SLC30A8: variants seen among roughly 807,000 people sequenced by gnomAD.
The protein encoded by SLC30A8 is solute carrier family 30 member 8, also known as proton-coupled zinc antiporter SLC30A8.
Under a neutral mutation model 36.9 loss-of-function variants are expected in SLC30A8, and 27 were observed. That is an observed-to-expected ratio of 0.73 (90% CI 0.54 to 1.01). The LOEUF (loss-of-function observed/expected upper bound fraction) is 1.01, where lower values mean the gene tolerates loss of function less well. Ranked by LOEUF, SLC30A8 falls within the 50% of genes least tolerant of loss-of-function variation. SLC30A8 has a pLI of 0.00. For synonymous variants in SLC30A8, 164 were observed against 172.4 expected (o/e 0.95, Z 0.38); for missense variants, 439 against 452.0 (o/e 0.97, Z 0.26).
At chr8:117,103,029 C>CA (rs1819796248) in intron 2 of SLC30A8, among the ~76,000 whole-genome samples, 2 of 152,056 alleles carry the variant, frequency 1.3e-5, no homozygotes. Flanking sequence ...AGCATCAACT[C>CA]AAAGTCCAAA....
chr8:116,977,173 G>T (rs1815067631), intron 1 of SLC30A8, among the ~76,000 whole-genome samples: 1 of 62,908 alleles, frequency 1.6e-5, no homozygotes, highest in African/African-American at 6.4e-5. Context: ...TTGAGATTCA[G>T]TCAGTCGCTC....
intron 1 of SLC30A8, among the ~76,000 whole-genome samples, chr8:116,973,297 G>T (rs1814854129): frequency 6.6e-6 from 1 of 152,074 alleles, no homozygotes; most frequent in Non-Finnish European, 1.5e-5. Flanking sequence ...AGTTAATTGT[G>T]GCCACATGAC....
chr8:117,081,710 G>A (rs187015400), intron 2 of SLC30A8, among the ~76,000 whole-genome samples: 1 of 152,244 alleles, frequency 6.6e-6, no homozygotes, highest in Admixed American at 6.5e-5. Flanking sequence ...AGGAGGACTT[G>A]GCATTGTCAG....
intron 1 of SLC30A8, among the ~76,000 whole-genome samples, chr8:117,035,376 A>G (rs1287091895): frequency 1.3e-5 from 2 of 152,226 alleles, no homozygotes; most frequent in Non-Finnish European, 1.5e-5. Flanking sequence ...CAAGTCTGAA[A>G]CCCAGCAGGG....
At chr8:117,153,140 A>C (rs1224103849) in intron 3 of SLC30A8, 50 bp downstream of exon 3, 1 of 1,480,440 alleles carries the variant, frequency 6.8e-7, no homozygotes, top group Non-Finnish European at 9.1e-7. Context: ...TGCAAAGTCA[A>C]ACCAAGGGTA....
chr8:117,017,497 A>G (rs531892672), intron 1 of SLC30A8, among the ~76,000 whole-genome samples: 4 of 152,308 alleles, frequency 2.6e-5, no homozygotes, highest in African/African-American at 9.6e-5. Flanking sequence ...TCTGTCTGGC[A>G]TAGTTTTTGG....
At chr8:117,088,485 C>T (rs570766377) in intron 2 of SLC30A8, among the ~76,000 whole-genome samples, 3 of 152,192 alleles carry the variant, frequency 2.0e-5, no homozygotes, top group East Asian at 3.9e-4. Context: ...GCTGCTACTT[C>T]GTAAGTATTC....
upstream of SLC30A8, chr8:117,130,111 C>G (rs933101403): frequency 3.9e-5 from 6 of 151,982 alleles, 1 homozygote; most frequent in South Asian, 1.2e-3. Context: ...TGTAGACTTA[C>G]TGGAAGCAAA....
At chr8:117,085,325 C>A (rs905171204) in intron 2 of SLC30A8, among the ~76,000 whole-genome samples, 2 of 152,090 alleles carry the variant, frequency 1.3e-5, no homozygotes, top group Non-Finnish European at 2.9e-5. Flanking sequence ...TCTCTTTGAC[C>A]TCCTGACCTT....
At chr8:117,092,298 G>C (rs775525759) in intron 2 of SLC30A8, among the ~76,000 whole-genome samples, 13 of 151,668 alleles carry the variant, frequency 8.6e-5, no homozygotes, top group Admixed American at 3.3e-4. Flanking sequence ...ATGATATAAA[G>C]ATAAATAGCA....
intron 2 of SLC30A8, among the ~76,000 whole-genome samples, chr8:117,070,204 AT>A (rs536308009): frequency 6.6e-6 from 1 of 151,912 alleles, no homozygotes; most frequent in East Asian, 1.9e-4. Flanking sequence ...ATAATGACAG[AT>A]TTTTTTTTCT....
chr8:117,132,888 A>G (rs1280795391), upstream of SLC30A8, among the ~76,000 whole-genome samples: 1 of 152,036 alleles, frequency 6.6e-6, no homozygotes, highest in African/African-American at 2.4e-5. Context: ...AAAACTTTTT[A>G]AGCATAATTT....
chr8:117,094,979 C>A (rs1357131358), intron 2 of SLC30A8, among the ~76,000 whole-genome samples: 1 of 152,242 alleles, frequency 6.6e-6, no homozygotes, highest in Non-Finnish European at 1.5e-5. Flanking sequence ...TGGCCCCAAC[C>A]TTGCTCCAAG....
At chr8:117,163,744 G>A (rs1822910692) in intron 6 of SLC30A8, among the ~76,000 whole-genome samples, 1 of 152,088 alleles carries the variant, frequency 6.6e-6, no homozygotes, top group Non-Finnish European at 1.5e-5. Context: ...CAACTGTTAT[G>A]TAATAGCTCA....
intron 2 of SLC30A8, among the ~76,000 whole-genome samples, chr8:117,088,587 G>A (rs1381248934): frequency 2.6e-5 from 4 of 152,158 alleles, no homozygotes; most frequent in South Asian, 2.1e-4. Flanking sequence ...TGCAGCTGCC[G>A]AGGGGTGAGA....
At chr8:116,964,737 G>C (rs1814542427) in intron 1 of SLC30A8, among the ~76,000 whole-genome samples, 1 of 152,146 alleles carries the variant, frequency 6.6e-6, no homozygotes, top group East Asian at 1.9e-4. Flanking sequence ...TTTCTAAATG[G>C]CCTGAGGTTA....
chr8:116,983,944 T>G (rs1046924478), intron 1 of SLC30A8, among the ~76,000 whole-genome samples: 3 of 152,186 alleles, frequency 2.0e-5, no homozygotes, highest in Non-Finnish European at 4.4e-5. Context: ...CAGGGCTATT[T>G]CTTCAACACA....
At chr8:117,041,185 A>G (rs1180283302) in intron 2 of SLC30A8, among the ~76,000 whole-genome samples, 1 of 152,232 alleles carries the variant, frequency 6.6e-6, no homozygotes, top group African/African-American at 2.4e-5. Context: ...ATCCACAGAA[A>G]AAATAAATAA....
intron 2 of SLC30A8, among the ~76,000 whole-genome samples, chr8:117,105,855 C>T (rs899255771): frequency 3.3e-5 from 5 of 152,184 alleles, no homozygotes; most frequent in Admixed American, 6.5e-5. Flanking sequence ...TAAAACTGCA[C>T]GTTACAAGTG....
Sources: gnomAD v4.1 joint callset for allele counts (sites outside exome capture counted in the v4.1 genomes callset) on GRCh38, gnomAD v4.1.1 for gene constraint, MANE v1.5 for transcripts, NCBI Gene and HGNC (gene_info 2026-07-23, HGNC 2026-07-21) for gene names.